Variants in MAP7D2 observed in about 807,000 individuals in gnomAD.
MAP7D2 encodes MAP7 domain containing 2, also known as MAP7 domain-containing protein 2.
Under a neutral mutation model 63.5 loss-of-function variants are expected in MAP7D2, and 33 were observed. That is an observed-to-expected ratio of 0.52 (90% CI 0.39 to 0.70). The LOEUF (loss-of-function observed/expected upper bound fraction) is 0.70, where lower values mean the gene tolerates loss of function less well. MAP7D2 is among the 30% of genes least tolerant of loss of function. MAP7D2 has a pLI of 0.00. For synonymous variants in MAP7D2, 224 were observed against 223.7 expected, an observed-to-expected ratio of 1.00 and a Z score of -0.01; for missense variants, 626 against 604.0, an observed-to-expected ratio of 1.04 and a Z score of -0.38.
intron 16 of MAP7D2, among the ~76,000 whole-genome samples, chrX:20,009,048 C>G (rs1286259326): frequency 9.0e-6 from 1 of 111,505 alleles, no homozygotes; most frequent in Non-Finnish European, 1.9e-5. Context: ...ATAGAATGCT[C>G]AGGTGATTTA....
chrX:20,080,540 G>C lies in MAP7D2; in HGVS notation c.131-15735C>G, dbSNP rs138798229. On this transcript the variant is annotated intron_variant, in intron 1 of 16. Transcript: ENST00000379643. The stretch of plus-strand genomic sequence containing the variant: ...ACTTGGCCTCAGGTCCTTTAGAGAT[G>C]GAGAGGCTCTGACATGCAGGGCTTT... 2.0e-4 allele frequency among the ~76,000 whole-genome samples: 22 copies of C among 111,170 alleles called. No homozygotes were observed. In the East Asian group the frequency reaches 5.4e-3, roughly 27 times the overall value.
At chrX:20,069,825 G>C (rs1182610761) in intron 1 of MAP7D2, among the ~76,000 whole-genome samples, 1 of 106,477 alleles carries the variant, frequency 9.4e-6, no homozygotes, top group Non-Finnish European at 1.9e-5. Context: ...ACCCAGGCTG[G>C]AGTGCAGTGG....
chrX:20,036,367 C>T (rs1008119000), intron 8 of MAP7D2, among the ~76,000 whole-genome samples: 3 of 108,930 alleles, frequency 2.8e-5, no homozygotes, highest in Non-Finnish European at 5.7e-5. Context: ...CTCAGCCTCC[C>T]GAGTAGCTGG....
In MAP7D2 at chrX:20,042,569, A is replaced by C; in HGVS notation, c.940T>G (p.Ser314Ala). Residue 314 changes from serine (S) to alanine (A), a missense_variant, in exon 8 of 17, where the codon TCC (serine) becomes GCC (alanine). Ser to Ala is a moderately conservative substitution (Grantham distance 99). Transcript: ENST00000379643. ...GAAAACTCACATCTTCTCAGAGGGG[A>C]CCCGAAGTTCACAACAGGAAGAGAA... ...ATSLPVVNFG[S>A]PLRRCEFSGG... The C allele has an allele frequency of 8.3e-7, 1 of 1,211,294 alleles. No homozygotes were observed.
At position 20,025,748 on chromosome X, in the gene MAP7D2, A is replaced by T. The variant is rs1401214213; in HGVS notation, c.1212T>A (p.His404Gln). Residue 404 changes from histidine to glutamine, a missense_variant, in exon 9 of 17, where the codon CAT (histidine) becomes CAA (glutamine). By Grantham distance (24) the His-to-Gln change is conservative. Transcript: ENST00000379643. Reference sequence around the variant, plus strand: ...TCTCGCTGGCATGCTTGTCCACTACATGCTTCTCTAGGGCTTCCTCTCCTT... The same window carrying T: ...TCTCGCTGGCATGCTTGTCCACTACTTGCTTCTCTAGGGCTTCCTCTCCTT... ...GPQGEEALEKHVVDKHASEKH... is the reference protein window; with the variant it reads ...GPQGEEALEKQVVDKHASEKH... 8.3e-7 allele frequency: 1 copy of T among 1,210,950 alleles called. No individual in the cohort carries two copies. The highest frequency in any genetic ancestry group is 1.8e-5 in the South Asian group (1 of 56,944).
intron 1 of MAP7D2, among the ~76,000 whole-genome samples, chrX:20,067,399 A>G (rs189045354): frequency 7.2e-5 from 8 of 111,780 alleles, no homozygotes; most frequent in African/African-American, 2.0e-4. Context: ...CACACCTTCA[A>G]ATCATCTTTC....
intron 1 of MAP7D2, among the ~76,000 whole-genome samples, chrX:20,100,690 A>AG (rs2066407895): frequency 9.0e-6 from 1 of 110,943 alleles, no homozygotes; most frequent in African/African-American, 3.3e-5. Context: ...AGACGGAGGA[A>AG]GGGGCCATGA....
At chrX:20,086,282 A>G (rs1265299144) in intron 1 of MAP7D2, among the ~76,000 whole-genome samples, 3 of 111,283 alleles carry the variant, frequency 2.7e-5, no homozygotes, top group Non-Finnish European at 5.7e-5. Flanking sequence ...CCTATCCCAC[A>G]CAGGTGGGTC....
intron 1 of MAP7D2, among the ~76,000 whole-genome samples, chrX:20,094,577 T>C (rs559949751): frequency 1.4e-3 from 68 of 50,267 alleles, no homozygotes; most frequent in South Asian, 7.6e-3. Flanking sequence ...TACATATATA[T>C]GTATATATAT....
At chrX:20,086,417 T>TGGAAA (rs1159994763) in intron 1 of MAP7D2, among the ~76,000 whole-genome samples, 1 of 111,926 alleles carries the variant, frequency 8.9e-6, no homozygotes, top group Non-Finnish European at 1.9e-5. Flanking sequence ...AGAATCTGAA[T>TGGAAA]GGAAAGGAAA....
At chrX:20,080,251 C>T (rs933486468) in intron 1 of MAP7D2, among the ~76,000 whole-genome samples, 5 of 110,863 alleles carry the variant, frequency 4.5e-5, no homozygotes, top group African/African-American at 1.6e-4. Flanking sequence ...TCTGTCCTCC[C>T]AGCCTTCTTC....
chrX:20,019,590 T>G (rs1363974874), intron 10 of MAP7D2, among the ~76,000 whole-genome samples: 1 of 111,893 alleles, frequency 8.9e-6, no homozygotes, highest in Non-Finnish European at 1.9e-5. Flanking sequence ...TGACACAAAC[T>G]TAAACTTGAA....
intron 1 of MAP7D2, among the ~76,000 whole-genome samples, chrX:20,072,642 C>T (rs2065534186): frequency 9.0e-6 from 1 of 111,304 alleles, no homozygotes; most frequent in Non-Finnish European, 1.9e-5. Flanking sequence ...GTGGATCTTC[C>T]CCCACCTAGT....
intron 1 of MAP7D2, among the ~76,000 whole-genome samples, chrX:20,077,640 G>C (rs1352882000): frequency 8.9e-6 from 1 of 111,885 alleles, no homozygotes; most frequent in Non-Finnish European, 1.9e-5. Flanking sequence ...TTCTGCGTTG[G>C]CTATTCTAAT....
At chrX:20,067,858 T>C (rs1258430669) in intron 1 of MAP7D2, among the ~76,000 whole-genome samples, 1 of 112,378 alleles carries the variant, frequency 8.9e-6, no homozygotes, top group African/African-American at 3.2e-5. Context: ...TAGAGCAGTA[T>C]GAAGTAAGCA....
intron 13 of MAP7D2, among the ~76,000 whole-genome samples, 168 bp from the exon 14 acceptor site, chrX:20,013,300 T>A (rs1273608648): frequency 8.9e-6 from 1 of 112,176 alleles, no homozygotes; most frequent in Non-Finnish European, 1.9e-5. Flanking sequence ...TATTTTTATG[T>A]CAGGATTCTC....
At chrX:20,074,135 CAA>C (rs775366987) in intron 1 of MAP7D2, among the ~76,000 whole-genome samples, 9 of 59,380 alleles carry the variant, frequency 1.5e-4, no homozygotes, top group Admixed American at 2.0e-4. Flanking sequence ...AACTCCGTCT[CAA>C]AAAAAAAAAA....
intron 1 of MAP7D2, among the ~76,000 whole-genome samples, chrX:20,112,410 GA>G (rs2066770441): frequency 8.9e-6 from 1 of 111,915 alleles, no homozygotes; most frequent in South Asian, 3.7e-4. Flanking sequence ...TTTAAAAACA[GA>G]AAAAGTTCCT....
intron 1 of MAP7D2, among the ~76,000 whole-genome samples, chrX:20,106,958 G>C (rs1331680784): frequency 1.8e-5 from 2 of 108,733 alleles, no homozygotes; most frequent in African/African-American, 6.7e-5. Flanking sequence ...CTCCAACCTG[G>C]GCAACAGCGC....
Sources: allele counts gnomAD v4.1 joint callset (sites outside exome capture counted in the v4.1 genomes callset), GRCh38; gene constraint gnomAD v4.1.1; transcripts MANE v1.5; gene names NCBI Gene and HGNC (gene_info 2026-07-23, HGNC 2026-07-21).